ST6GALNAC3: variants seen among roughly 807,000 people sequenced by gnomAD.
ST6GALNAC3 encodes alpha-N-acetylgalactosaminide alpha-2,6-sialyltransferase 3.
In ST6GALNAC3, 25 loss-of-function variants were observed where a neutral mutation model predicts 32.7. The ratio of observed to expected loss-of-function variants is 0.76; its 90% CI spans 0.56 to 1.07. The LOEUF (loss-of-function observed/expected upper bound fraction) is 1.07. Ranked by LOEUF, ST6GALNAC3 falls within the 50% of genes least tolerant of loss-of-function variation. The probability of loss-of-function intolerance (pLI) is 0.00; values close to 1 mark genes in which losing one functional copy is unlikely to be tolerated. For synonymous variants in ST6GALNAC3, 129 were observed against 133.1 expected (o/e 0.97, Z 0.21); for missense variants, 355 against 382.4 (o/e 0.93, Z 0.60).
chr1:76,125,288 C>T (rs1649166553), intron 1 of ST6GALNAC3, among the ~76,000 whole-genome samples: 1 of 152,182 alleles, frequency 6.6e-6, no homozygotes, highest in Non-Finnish European at 1.5e-5. Flanking sequence ...TTACCTGTTC[C>T]CTGGACCTCC....
chr1:76,114,738 A>G (rs1648338465), intron 1 of ST6GALNAC3, among the ~76,000 whole-genome samples: 1 of 151,988 alleles, frequency 6.6e-6, no homozygotes, highest in South Asian at 2.1e-4. Flanking sequence ...GTGAAACCCC[A>G]TCTGTACTAA....
chr1:76,118,882 G>T (rs1384711991), intron 1 of ST6GALNAC3, among the ~76,000 whole-genome samples: 1 of 152,136 alleles, frequency 6.6e-6, no homozygotes. Context: ...GAGTGCAGTG[G>T]TACGATCTTG....
chr1:76,568,217 G>A (rs938555713), intron 3 of ST6GALNAC3, among the ~76,000 whole-genome samples: 2 of 152,094 alleles, frequency 1.3e-5, no homozygotes, highest in Non-Finnish European at 2.9e-5. Context: ...GCTTAGAGAG[G>A]TCTAGTGGCT....
chr1:76,628,919 T>C lies in ST6GALNAC3; in HGVS notation c.*113T>C, dbSNP rs1649150674. ...ATGATAAAGACAACAACAATGATTA[T>C]CAAGTTCCTGTACACTCTCAGATGT... On this transcript the variant is annotated 3_prime_UTR_variant, in exon 5 of 5. Transcript: ENST00000328299. 2 of 1,534,332 alleles carry C rather than the reference T, an allele frequency of 1.3e-6. No homozygotes were observed. Among genetic ancestry groups the C allele is most frequent in the Non-Finnish European group, 1.7e-6 (2 of 1,151,516 alleles).
At chr1:76,194,624 T>C (rs1387762811) in intron 1 of ST6GALNAC3, among the ~76,000 whole-genome samples, 1 of 152,196 alleles carries the variant, frequency 6.6e-6, no homozygotes, top group African/African-American at 2.4e-5. Flanking sequence ...AGAGAAGACA[T>C]AGATATGGAT....
chr1:76,404,720 T>C (rs1346758441), intron 2 of ST6GALNAC3, among the ~76,000 whole-genome samples: 1 of 152,054 alleles, frequency 6.6e-6, no homozygotes, highest in Non-Finnish European at 1.5e-5. Context: ...TTCATTCAAA[T>C]TGGATAATGA....
At chr1:76,233,718 AC>A (rs1446491205) in intron 1 of ST6GALNAC3, among the ~76,000 whole-genome samples, 1 of 152,180 alleles carries the variant, frequency 6.6e-6, no homozygotes, top group East Asian at 1.9e-4. Context: ...TATATTAGAT[AC>A]TTATCTATGT....
chr1:76,276,715 A>T (rs1319396067), intron 1 of ST6GALNAC3, among the ~76,000 whole-genome samples: 1 of 152,220 alleles, frequency 6.6e-6, no homozygotes, highest in African/African-American at 2.4e-5. Flanking sequence ...AACCATGAAC[A>T]GTCTTTAATG....
intron 3 of ST6GALNAC3, among the ~76,000 whole-genome samples, chr1:76,521,613 T>C (rs920681831): frequency 6.6e-6 from 1 of 152,218 alleles, no homozygotes; most frequent in Admixed American, 6.5e-5. Context: ...GATTATGTTA[T>C]TTATGAAGAA....
At chr1:76,479,128 G>T (rs891776205) in intron 3 of ST6GALNAC3, among the ~76,000 whole-genome samples, 1 of 152,038 alleles carries the variant, frequency 6.6e-6, no homozygotes, top group Non-Finnish European at 1.5e-5. Context: ...ATAGAGACAT[G>T]TAACAGAACT....
intron 1 of ST6GALNAC3, among the ~76,000 whole-genome samples, chr1:76,311,916 AT>A (rs1163435680): frequency 1.3e-5 from 2 of 152,118 alleles, no homozygotes; most frequent in African/African-American, 4.8e-5. Context: ...AAGCGTTCCT[AT>A]TTCTGCATGT....
intron 3 of ST6GALNAC3, among the ~76,000 whole-genome samples, chr1:76,423,860 G>GT (rs1418700464): frequency 2.0e-5 from 3 of 151,888 alleles, no homozygotes; most frequent in Non-Finnish European, 4.4e-5. Flanking sequence ...ATATAGTTGG[G>GT]AGCTTTTGGG....
chr1:76,167,447 C>A (rs1261729812), intron 1 of ST6GALNAC3, among the ~76,000 whole-genome samples: 4 of 151,982 alleles, frequency 2.6e-5, no homozygotes, highest in Non-Finnish European at 4.4e-5. Context: ...CCTGAAGATT[C>A]CTTTTGTTGT....
At chr1:76,411,295 G>A (rs556856030) in intron 2 of ST6GALNAC3, among the ~76,000 whole-genome samples, 25 of 152,138 alleles carry the variant, frequency 1.6e-4, no homozygotes, top group African/African-American at 5.5e-4. Context: ...TATTATCTCC[G>A]TGGTTAAATA....
chr1:76,078,668 A>G (rs1458534941), intron 1 of ST6GALNAC3, among the ~76,000 whole-genome samples: 1 of 152,212 alleles, frequency 6.6e-6, no homozygotes, highest in South Asian at 2.1e-4. Context: ...GCAGGGGGAA[A>G]AAAGAAACTC....
At chr1:76,095,075 T>C (rs1156284170) in intron 1 of ST6GALNAC3, among the ~76,000 whole-genome samples, 1 of 152,132 alleles carries the variant, frequency 6.6e-6, no homozygotes, top group Non-Finnish European at 1.5e-5. Flanking sequence ...ATACATGAAA[T>C]GGCTGAGGAC....
intron 2 of ST6GALNAC3, among the ~76,000 whole-genome samples, chr1:76,345,852 G>T (rs1648460518): frequency 6.6e-6 from 1 of 151,822 alleles, no homozygotes; most frequent in Non-Finnish European, 1.5e-5. Context: ...TGCTATTTTT[G>T]ATCAAACCAA....
intron 1 of ST6GALNAC3, among the ~76,000 whole-genome samples, chr1:76,266,976 C>T (rs1658566962): frequency 6.6e-6 from 1 of 152,208 alleles, no homozygotes; most frequent in Non-Finnish European, 1.5e-5. Context: ...GAGAGGCAGC[C>T]TGGTAAATGG....
At chr1:76,480,246 T>C (rs998453699) in intron 3 of ST6GALNAC3, among the ~76,000 whole-genome samples, 1 of 152,192 alleles carries the variant, frequency 6.6e-6, no homozygotes, top group African/African-American at 2.4e-5. Context: ...CAATAATCAT[T>C]TGAAATTCAT....
Sources: gnomAD v4.1 joint callset for allele counts (sites outside exome capture counted in the v4.1 genomes callset) on GRCh38, gnomAD v4.1.1 for gene constraint, MANE v1.5 for transcripts, NCBI Gene and HGNC (gene_info 2026-07-23, HGNC 2026-07-21) for gene names.